Variants in TENM4 observed in about 807,000 individuals in gnomAD.
TENM4 encodes the protein teneurin transmembrane protein 4.
A neutral mutation model predicts 243.3 loss-of-function variants in TENM4; 82 were observed. The observed-to-expected ratio is 0.34, with a 90% CI of 0.28 to 0.40. The LOEUF (loss-of-function observed/expected upper bound fraction) is 0.40, where lower values mean the gene tolerates loss of function less well. Ranked by LOEUF, TENM4 falls within the 10% of genes least tolerant of loss-of-function variation. The probability of loss-of-function intolerance (pLI) is 1.00; values close to 1 mark genes in which losing one functional copy is unlikely to be tolerated. For synonymous variants in TENM4, 1,412 were observed against 1,456.3 expected (o/e 0.97, Z 0.69); for missense variants, 3,138 against 3,673.3 (o/e 0.85, Z 3.77).
At chr11:78,980,614 C>T (rs1391776141) in intron 6 of TENM4, among the ~76,000 whole-genome samples, 2 of 152,222 alleles carry the variant, frequency 1.3e-5, no homozygotes, top group African/African-American at 2.4e-5. Flanking sequence ...CGAAGTCTGG[C>T]TTAGCAGGGT....
At chr11:78,990,022 C>T (rs1305897452) in intron 6 of TENM4, among the ~76,000 whole-genome samples, 1 of 150,740 alleles carries the variant, frequency 6.6e-6, no homozygotes, top group African/African-American at 2.5e-5. Context: ...CATGATTGCA[C>T]CACCATACTC....
chr11:79,271,998 A>G lies in TENM4; in HGVS notation c.-265+25490T>C, dbSNP rs1017644697. On this transcript the variant is annotated intron_variant, in intron 2 of 33. Transcript: ENST00000278550. Reference sequence around the variant, plus strand: ...ATGATCTCATTTGGTTCCTGTAACAACCCTAGGAGGTAGTGATGTCTGCTT... The same window carrying G: ...ATGATCTCATTTGGTTCCTGTAACAGCCCTAGGAGGTAGTGATGTCTGCTT... Among the ~76,000 whole-genome samples the G allele has an allele frequency of 4.6e-5, 7 of 152,252 alleles. No individual in the cohort carries two copies. In the East Asian group the frequency reaches 7.7e-4, roughly 17 times the overall value.
Position 78,771,089 on chromosome 11 carries a change from C to G in TENM4, c.2442G>C (p.Leu814=). Residue 814 remains leucine, a synonymous_variant, in exon 18 of 34, where the codon CTG becomes CTC. Transcript: ENST00000278550. Reference sequence around the variant, plus strand: ...GCTGGCAGACGCAGTGCCAACCATTCAGGTCTAAGGTACATCTGCCGTTGC... The same window carrying G: ...GCTGGCAGACGCAGTGCCAACCATTGAGGTCTAAGGTACATCTGCCGTTGC... ...CNGNGRCTLD[L]NGWHCVCQLG... is the part of the protein sequence containing the mutation. 1 of 1,575,330 alleles carries G rather than the reference C, an allele frequency of 6.3e-7. No homozygotes were observed. The highest frequency in any genetic ancestry group is 1.2e-5 in the South Asian group (1 of 85,424).
chr11:79,248,851 C>T (rs1855563854), intron 2 of TENM4, among the ~76,000 whole-genome samples: 1 of 152,122 alleles, frequency 6.6e-6, no homozygotes, highest in African/African-American at 2.4e-5. Flanking sequence ...GCTTCCCTCC[C>T]CCACCCATTC....
Position 78,777,582 on chromosome 11 carries a change from C to T in TENM4, c.2392+1020G>A, listed in dbSNP as rs80005348. Among the ~76,000 whole-genome samples, 1,338 of 152,264 alleles carry T rather than the reference C, an allele frequency of 8.8e-3. 8 individuals carry two copies. Among genetic ancestry groups the T allele is most frequent in the African/African-American group, 0.015 (636 of 41,528 alleles). ...ATAATTCCTGCCTATATACTAAGCACTTTGTATTTGTTACTTCACTTAATC... is the reference window on the plus strand; with the variant it reads ...ATAATTCCTGCCTATATACTAAGCATTTTGTATTTGTTACTTCACTTAATC... On this transcript the variant is annotated intron_variant, in intron 17 of 33. Transcript: ENST00000278550.
At chr11:78,913,580 G>GGT (rs1403545697) in intron 6 of TENM4, among the ~76,000 whole-genome samples, 61 of 126,462 alleles carry the variant, frequency 4.8e-4, no homozygotes, top group African/African-American at 1.7e-3. Context: ...ATGGGTAAGA[G>GGT]GTATGTGTGT....
Position 79,141,540 on chromosome 11 carries a change from A to C in TENM4, c.-66+7170T>G, listed in dbSNP as rs531121565. ...GAAAAGCCTGGGACCTGATGGCTTC[A>C]CTGCTGAATTTCACCAAATATTTTA... On this transcript the variant is annotated intron_variant, in intron 4 of 33. Transcript: ENST00000278550. Among the ~76,000 whole-genome samples, 10 of 152,232 alleles carry C rather than the reference A, an allele frequency of 6.6e-5. No homozygotes were observed. The East Asian group carries it at 1.7e-3, about 27-fold the overall frequency.
intron 3 of TENM4, among the ~76,000 whole-genome samples, chr11:79,190,768 G>T (rs1047043881): frequency 1.4e-5 from 2 of 145,664 alleles, no homozygotes; most frequent in African/African-American, 5.3e-5. Context: ...AAATATTTTC[G>T]TCCCTCTCCC....
chr11:79,333,766 A>AT (rs1857101781), intron 1 of TENM4, among the ~76,000 whole-genome samples: 1 of 152,228 alleles, frequency 6.6e-6, no homozygotes. Flanking sequence ...AACATCTTAC[A>AT]TTTTGTATTA....
chr11:79,066,732 G>A (rs565626463), intron 5 of TENM4, among the ~76,000 whole-genome samples: 36 of 146,700 alleles, frequency 2.5e-4, no homozygotes, highest in Admixed American at 9.4e-4. Context: ...GCACACACGC[G>A]CACGCACATG....
intron 1 of TENM4, among the ~76,000 whole-genome samples, chr11:79,357,106 G>A (rs1256471102): frequency 6.6e-6 from 1 of 152,160 alleles, no homozygotes; most frequent in Non-Finnish European, 1.5e-5. Context: ...TGAGGTGCTG[G>A]TGCCACATTC....
chr11:79,172,083 C>G (rs1045971614), intron 3 of TENM4, among the ~76,000 whole-genome samples: 5 of 152,322 alleles, frequency 3.3e-5, no homozygotes, highest in African/African-American at 1.2e-4. Flanking sequence ...TTCTGAGTAG[C>G]TGGGACTACA....
At chr11:78,894,973 C>T (rs1223710486) in intron 7 of TENM4, among the ~76,000 whole-genome samples, 1 of 113,764 alleles carries the variant, frequency 8.8e-6, no homozygotes, top group African/African-American at 3.6e-5. Flanking sequence ...CAACGAGACT[C>T]GGCCTTAAAA....
chr11:78,768,143 T>C (rs1356951693), intron 18 of TENM4, among the ~76,000 whole-genome samples: 1 of 152,240 alleles, frequency 6.6e-6, no homozygotes, highest in Non-Finnish European at 1.5e-5. Flanking sequence ...CCACTCTCTA[T>C]GGTTGTTTCA....
intron 2 of TENM4, among the ~76,000 whole-genome samples, chr11:79,260,101 A>G (rs1318569083): frequency 6.6e-6 from 1 of 152,238 alleles, no homozygotes; most frequent in African/African-American, 2.4e-5. Flanking sequence ...CCTCAAACAT[A>G]GTTGTACATC....
chr11:78,915,627 AGT>A (rs144726849), intron 6 of TENM4, among the ~76,000 whole-genome samples: 2,004 of 152,302 alleles, frequency 0.013, 57 homozygotes, highest in African/African-American at 0.045. Context: ...TTTTATCCAC[AGT>A]TGGAGATGCC....
intron 2 of TENM4, among the ~76,000 whole-genome samples, chr11:79,252,266 G>T (rs1855624324): frequency 6.6e-6 from 1 of 152,192 alleles, no homozygotes; most frequent in South Asian, 2.1e-4. Flanking sequence ...ACTGAGTCTT[G>T]CTCTGTCGCC....
At chr11:79,252,249 T>C (rs1855623841) in intron 2 of TENM4, among the ~76,000 whole-genome samples, 1 of 152,216 alleles carries the variant, frequency 6.6e-6, no homozygotes, top group Admixed American at 6.5e-5. Flanking sequence ...TCTTTTTCTT[T>C]TTTGAGACTG....
rs1858031364 is a variant in TENM4, at chr11:78,661,572, G to A, written c.7428C>T (p.Leu2476=). 1.9e-6 allele frequency: 3 copies of A among 1,613,232 alleles called. No homozygotes were observed. The highest frequency in any genetic ancestry group is 1.3e-5 in the African/African-American group (1 of 74,884). The change falls in exon 33 of 34, where the codon CTC becomes CTT. Residue 2476 remains leucine, a synonymous_variant. Coordinates refer to ENST00000278550, the MANE Select transcript of TENM4 (RefSeq NM_001098816.3). ...CFMTDVNSWL[L]TFGFQLHNVI... is the part of the protein sequence containing the mutation. ...CGTTGTGTAGCTGGAATCCAAAGGT[G>A]AGCAGCCAGCTGTTAACATCTGGAT...
Sources: allele counts gnomAD v4.1 joint callset (sites outside exome capture counted in the v4.1 genomes callset), GRCh38; gene constraint gnomAD v4.1.1; transcripts MANE v1.5; gene names NCBI Gene and HGNC (gene_info 2026-07-23, HGNC 2026-07-21).